The following GALNT18 variants were observed in gnomAD, a reference collection of about 807,000 sequenced individuals.
The protein encoded by GALNT18 is GalNAc-transferase 18.
In GALNT18, 44 loss-of-function variants were observed where a neutral mutation model predicts 69.5. The ratio of observed to expected loss-of-function variants is 0.63; its 90% confidence interval spans 0.50 to 0.81. The LOEUF is 0.81. Among genes scored for constraint, GALNT18 ranks in the 40% least tolerant of loss-of-function variants. The pLI is 0.00. For missense variants in GALNT18, 715 were observed against 810.0 expected, an observed-to-expected ratio of 0.88 and a Z score of 1.42; for synonymous variants, 364 against 318.2, an observed-to-expected ratio of 1.14 and a Z score of -1.53.
chr11:11,548,760 T>TA (rs1281016987), intron 1 of GALNT18, among the ~76,000 whole-genome samples: 1 of 152,268 alleles, frequency 6.6e-6, no homozygotes, highest in Non-Finnish European at 1.5e-5. Flanking sequence ...TAAAAGTTTC[T>TA]TATCCAAGGC....
chr11:11,506,203 G>C (rs987529491), intron 1 of GALNT18, among the ~76,000 whole-genome samples: 3 of 152,206 alleles, frequency 2.0e-5, no homozygotes, highest in Non-Finnish European at 2.9e-5. Flanking sequence ...CCTCTGGCAA[G>C]TGAATATAAA....
intron 10 of GALNT18, among the ~76,000 whole-genome samples, chr11:11,282,499 G>C (rs1849101397): frequency 6.6e-6 from 1 of 152,224 alleles, no homozygotes; most frequent in African/African-American, 2.4e-5. Flanking sequence ...GACTTGTCCA[G>C]GGTCACATGG....
chr11:11,304,595 CT>C (rs10718970), intron 9 of GALNT18, among the ~76,000 whole-genome samples: 21,404 of 152,198 alleles, frequency 0.14, 1,931 homozygotes, highest in East Asian at 0.24. Context: ...TCTGCATCAG[CT>C]TGTGACAGTC....
chr11:11,499,901 C>G (rs1191629034), intron 1 of GALNT18, among the ~76,000 whole-genome samples: 3 of 152,152 alleles, frequency 2.0e-5, no homozygotes, highest in Non-Finnish European at 4.4e-5. Context: ...CTGGTGGCAG[C>G]TTCAGATAGA....
At position 11,402,376 on chromosome 11, in the gene GALNT18, T is replaced by G. The variant is rs1854487978; in HGVS notation, c.596-23112A>C. On this transcript the variant is annotated intron_variant, in intron 3 of 10. Transcript: ENST00000227756. This position sits in a 1 kb window ranked among gnomAD's most constrained non-coding sequence, Gnocchi z 4.0. ...GGCGTAGACATGTTTTAATCCATGATGACAGCTTGTCTTCAATCATAAACT... is the reference window on the plus strand; with the variant it reads ...GGCGTAGACATGTTTTAATCCATGAGGACAGCTTGTCTTCAATCATAAACT... 6.6e-6 allele frequency among the ~76,000 whole-genome samples: 1 copy of G among 152,258 alleles called. No homozygotes were observed. Among genetic ancestry groups the G allele is most frequent in the Non-Finnish European group, 1.5e-5 (1 of 68,042 alleles).
At position 11,432,775 on chromosome 11, in the gene GALNT18, G is replaced by C. The variant is rs1278579072; in HGVS notation, c.441C>G (p.Leu147=). The C allele has an allele frequency of 6.0e-5, 97 of 1,613,884 alleles. No homozygotes were observed. The highest frequency in any genetic ancestry group is 7.9e-5 in the Non-Finnish European group (93 of 1,179,926). The change falls in exon 3 of 11, where the codon CTC becomes CTG. Residue 147 remains leucine, a synonymous_variant. Coordinates refer to ENST00000227756, the MANE Select transcript of GALNT18 (RefSeq NM_198516.3). This position sits in a 1 kb window ranked among gnomAD's most constrained non-coding sequence, Gnocchi z 5.8. ...PDLRPSGCRN[L]SFPDSLPEVS... Reference sequence around the variant, plus strand: ...CCTCTGGCAGGCTGTCAGGAAATGAGAGGTTACGGCACCTGCAAAGAACAG... The same window carrying C: ...CCTCTGGCAGGCTGTCAGGAAATGACAGGTTACGGCACCTGCAAAGAACAG...
chr11:11,424,257 C>T (rs1239571544), intron 3 of GALNT18, among the ~76,000 whole-genome samples: 2 of 152,140 alleles, frequency 1.3e-5, no homozygotes, highest in Non-Finnish European at 2.9e-5. Flanking sequence ...CCCTAAGAAG[C>T]AATGGGGTGG....
chr11:11,472,380 C>T (rs1415402429), intron 1 of GALNT18, among the ~76,000 whole-genome samples: 1 of 152,216 alleles, frequency 6.6e-6, no homozygotes, highest in African/African-American at 2.4e-5. Context: ...TCATGTATTT[C>T]TCAGAGCTTC....
rs115502004 is a variant in GALNT18 at position 11,426,247 on chromosome 11, T to A, written c.595+6374A>T. On this transcript the variant is annotated intron_variant, in intron 3 of 10. Transcript: ENST00000227756. ...TCCTCTGCACTCCACCCCACATTCA[T>A]GCCATATCCCTGGGATGCAACAGGG... is the stretch of plus-strand genomic sequence containing the variant. 1.9e-3 allele frequency among the ~76,000 whole-genome samples: 287 copies of A among 152,306 alleles called. 1 individual carries two copies. The highest frequency in any genetic ancestry group is 6.4e-3 in the African/African-American group (268 of 41,558).
chr11:11,366,512 A>G lies in GALNT18; in HGVS notation c.1092+6003T>C, dbSNP rs559575001. 2.0e-4 allele frequency among the ~76,000 whole-genome samples: 30 copies of G among 152,366 alleles called. 1 individual carries two copies. In the South Asian group the frequency reaches 6.2e-3, roughly 32 times the overall value. The stretch of plus-strand genomic sequence containing the variant: ...TAGAATAATGAGATAATAAGGCATA[A>G]GAATGAATTAACTCCTTGACCAACA... On this transcript the variant is annotated intron_variant, in intron 6 of 10. Transcript: ENST00000227756.
At chr11:11,429,044 G>A (rs1352427564) in intron 3 of GALNT18, among the ~76,000 whole-genome samples, 1 of 152,084 alleles carries the variant, frequency 6.6e-6, no homozygotes, top group Non-Finnish European at 1.5e-5. Flanking sequence ...AATCCTCGAG[G>A]AAAAATCTCC....
intron 9 of GALNT18, among the ~76,000 whole-genome samples, chr11:11,321,597 G>A (rs1339643892): frequency 2.6e-5 from 4 of 152,028 alleles, no homozygotes; most frequent in Non-Finnish European, 4.4e-5. Flanking sequence ...CAGTTTATGA[G>A]TAGGTTTTCT....
intron 1 of GALNT18, among the ~76,000 whole-genome samples, chr11:11,472,679 CTA>C (rs1346079619): frequency 1.3e-5 from 2 of 152,136 alleles, no homozygotes; most frequent in African/African-American, 4.8e-5. Flanking sequence ...ATCAGCTATG[CTA>C]TGTTTATAAA....
At chr11:11,370,796 C>A (rs909838003) in intron 6 of GALNT18, among the ~76,000 whole-genome samples, 1 of 152,226 alleles carries the variant, frequency 6.6e-6, no homozygotes, top group African/African-American at 2.4e-5. Flanking sequence ...GTTCACAAAT[C>A]TAATTCCTTT....
At chr11:11,473,502 G>C (rs993028052) in intron 1 of GALNT18, among the ~76,000 whole-genome samples, 2 of 152,170 alleles carry the variant, frequency 1.3e-5, no homozygotes, top group African/African-American at 4.8e-5. Context: ...TAGAAAGCCT[G>C]AGGATTCCAG....
chr11:11,286,390 C>T lies in GALNT18; in HGVS notation c.1677+6639G>A, dbSNP rs1046105931. Among the ~76,000 whole-genome samples, 7 of 151,482 alleles carry T rather than the reference C, an allele frequency of 4.6e-5. No homozygotes were observed. In the East Asian group the frequency reaches 7.7e-4, roughly 17 times the overall value. On this transcript the variant is annotated intron_variant, in intron 10 of 10. Coordinates refer to ENST00000227756, the MANE Select transcript of GALNT18 (RefSeq NM_198516.3). ...GTGTCTGTGTACCACAGGTGGGATG[C>T]GCTACCACCTAAAAGTGTTCACTGT...
chr11:11,324,944 T>C (rs183170782), intron 9 of GALNT18, among the ~76,000 whole-genome samples: 124 of 152,360 alleles, frequency 8.1e-4, no homozygotes, highest in Non-Finnish European at 1.3e-3. Context: ...GAAAACAGTA[T>C]GGATATTCCT....
chr11:11,276,384 C>T lies in GALNT18; in HGVS notation c.1678-5094G>A, dbSNP rs547772748. 9.0e-4 allele frequency among the ~76,000 whole-genome samples: 137 copies of T among 152,212 alleles called. 1 individual carries two copies. Among genetic ancestry groups the T allele is most frequent in the Admixed American group, 2.4e-3 (36 of 15,290 alleles). On this transcript the variant is annotated intron_variant, in intron 10 of 10. Coordinates refer to ENST00000227756, the MANE Select transcript of GALNT18 (RefSeq NM_198516.3). ...GATTTTTGCACATTGATTTTGTATC[C>T]TGAGACTTTGCTGAAGTTGCTTATC...
intron 1 of GALNT18, among the ~76,000 whole-genome samples, chr11:11,491,295 T>C (rs865893079): frequency 3.3e-5 from 5 of 152,214 alleles, no homozygotes; most frequent in South Asian, 2.1e-4. Context: ...TCAAAAAAGA[T>C]ATACTATCAT....
Sources: gnomAD v4.1 joint callset for allele counts (sites outside exome capture counted in the v4.1 genomes callset) on GRCh38, gnomAD v4.1.1 for gene constraint, Gnocchi (gnomAD v3.1) non-coding constraint, MANE v1.5 for transcripts, NCBI Gene and HGNC (gene_info 2026-07-23, HGNC 2026-07-21) for gene names.